Variants in SLIT3 observed in about 807,000 individuals in gnomAD.
SLIT3 encodes slit guidance ligand 3.
Under a neutral mutation model 184.0 loss-of-function variants are expected in SLIT3, and 68 were observed. The ratio of observed to expected loss-of-function variants is 0.37; its 90% CI spans 0.30 to 0.45. SLIT3 has a LOEUF of 0.45. Among genes scored for constraint, SLIT3 ranks in the 20% least tolerant of loss-of-function variants. The probability of loss-of-function intolerance (pLI) is 1.00; values close to 1 mark genes in which losing one functional copy is unlikely to be tolerated. For missense variants in SLIT3, 1,707 were observed against 2,026.0 expected, an observed-to-expected ratio of 0.84 and a Z score of 3.02; for synonymous variants, 831 against 828.6, an observed-to-expected ratio of 1.00 and a Z score of -0.05.
At chr5:168,669,014 T>C (rs1761147038) in intron 35 of SLIT3, among the ~76,000 whole-genome samples, 1 of 152,220 alleles carries the variant, frequency 6.6e-6, no homozygotes, top group African/African-American at 2.4e-5. Flanking sequence ...AAATGACAGT[T>C]TGGCCTTCAT....
chr5:168,792,987 T>C (rs1756433401), intron 10 of SLIT3, among the ~76,000 whole-genome samples: 1 of 152,256 alleles, frequency 6.6e-6, no homozygotes. Flanking sequence ...GTGTGAGGTA[T>C]ATATGAAACA....
chr5:168,711,107 A>C lies in SLIT3; in HGVS notation c.2556-49T>G. ...GGGCCCCCTGCCCAGCTTGGCCAGT[A>C]GCCTTCATATCCTTGGCTCTCTGGA... is the stretch of plus-strand genomic sequence containing the variant. On this transcript the variant is annotated intron_variant, in intron 24 of 35. Coordinates refer to ENST00000519560, the MANE Select transcript of SLIT3 (RefSeq NM_003062.4). The C allele has an allele frequency of 2.0e-6, 3 of 1,468,350 alleles. No homozygotes were observed. In the South Asian group the frequency reaches 4.2e-5, roughly 21 times the overall value. The allele number at this position is 1,468,350 out of a possible 1,614,324, so 91.0% of individuals were successfully genotyped here.
In SLIT3 at chr5:168,806,568, T is replaced by C. The variant is rs766780107; in HGVS notation, c.813A>G (p.Pro271=). 6 of 1,613,968 alleles carry C rather than the reference T, an allele frequency of 3.7e-6. No individual in the cohort carries two copies. The highest frequency in any genetic ancestry group is 5.1e-6 in the Non-Finnish European group (6 of 1,180,000). The change falls in exon 9 of 36, where the codon CCA becomes CCG. Residue 271 remains proline (P), a synonymous_variant. Coordinates refer to ENST00000519560, the MANE Select transcript of SLIT3 (RefSeq NM_003062.4). The part of the protein sequence containing the change: ...YVCPAPHSEP[P]SCNANSISCP... Reference sequence around the variant, plus strand: ...AGGAGATGGAGTTGGCATTGCAGGATGGGGGCTCCGAGTGGGGGGCTGTGG... The same window carrying C: ...AGGAGATGGAGTTGGCATTGCAGGACGGGGGCTCCGAGTGGGGGGCTGTGG...
chr5:168,680,134 C>G (rs1157593746), intron 32 of SLIT3, among the ~76,000 whole-genome samples: 4 of 152,264 alleles, frequency 2.6e-5, no homozygotes, highest in Admixed American at 6.5e-5. Flanking sequence ...GGGCTCCACC[C>G]TTTAGGCTAC....
At chr5:169,076,211 T>C (rs1230137285) in intron 4 of SLIT3, among the ~76,000 whole-genome samples, 2 of 152,194 alleles carry the variant, frequency 1.3e-5, no homozygotes, top group Non-Finnish European at 2.9e-5. Context: ...GCATTGACTT[T>C]TCCCCAGTAG....
intron 4 of SLIT3, among the ~76,000 whole-genome samples, chr5:169,117,180 A>G (rs1472919337): frequency 6.6e-6 from 1 of 152,158 alleles, no homozygotes. Flanking sequence ...GTGTGCCTGC[A>G]CTGTCCTAGG....
chr5:169,017,111 T>C (rs2113476393), intron 4 of SLIT3, among the ~76,000 whole-genome samples: 1 of 152,364 alleles, frequency 6.6e-6, no homozygotes, highest in Middle Eastern at 3.4e-3. Context: ...GTGTGACTTG[T>C]CCTGTAGTCC....
At chr5:169,021,802 G>T (rs1010374331) in intron 4 of SLIT3, among the ~76,000 whole-genome samples, 1 of 152,138 alleles carries the variant, frequency 6.6e-6, no homozygotes, top group East Asian at 1.9e-4. Context: ...TTAATTCTTC[G>T]TCTCTCAGTT....
chr5:168,892,806 G>C (rs1219560916), intron 4 of SLIT3, among the ~76,000 whole-genome samples: 1 of 152,184 alleles, frequency 6.6e-6, no homozygotes, highest in Non-Finnish European at 1.5e-5. Flanking sequence ...ATCATCTCCA[G>C]CAAATGGGAC....
intron 4 of SLIT3, among the ~76,000 whole-genome samples, chr5:169,178,448 G>A (rs955723494): frequency 1.3e-5 from 2 of 152,196 alleles, no homozygotes; most frequent in African/African-American, 4.8e-5. Context: ...CACACTGAAC[G>A]GTTGCTGTAG....
At chr5:168,759,857 G>A (rs944726457) in intron 16 of SLIT3, among the ~76,000 whole-genome samples, 2 of 152,186 alleles carry the variant, frequency 1.3e-5, no homozygotes, top group Non-Finnish European at 2.9e-5. Context: ...CCTGAACTCT[G>A]GGGCCAGGAG....
intron 4 of SLIT3, among the ~76,000 whole-genome samples, chr5:168,920,716 T>A (rs1289215787): frequency 6.6e-6 from 1 of 152,210 alleles, no homozygotes; most frequent in African/African-American, 2.4e-5. Context: ...CTCTTTTGAC[T>A]TTTAAGTTCT....
chr5:168,823,356 G>C, intron 6 of SLIT3, 25 bp from the exon 7 acceptor site: 1 of 1,579,600 alleles, frequency 6.3e-7, no homozygotes, highest in Non-Finnish European at 8.7e-7. Flanking sequence ...AAGGGAGATG[G>C]TCAGCCAGGC....
At chr5:169,180,939 G>C (rs1763132430) in intron 4 of SLIT3, among the ~76,000 whole-genome samples, 1 of 152,312 alleles carries the variant, frequency 6.6e-6, no homozygotes, top group East Asian at 1.9e-4. Flanking sequence ...GAAGGTCTCA[G>C]TTGGAAGCCT....
At chr5:169,242,911 G>A (rs970395494) in intron 3 of SLIT3, among the ~76,000 whole-genome samples, 11 of 151,792 alleles carry the variant, frequency 7.2e-5, no homozygotes, top group South Asian at 4.2e-4. Context: ...ATGTTTATGC[G>A]AGAGGCTACT....
At chr5:169,114,545 T>C (rs1760575503) in intron 4 of SLIT3, among the ~76,000 whole-genome samples, 1 of 152,224 alleles carries the variant, frequency 6.6e-6, no homozygotes, top group Non-Finnish European at 1.5e-5. Flanking sequence ...TCAAGATTGC[T>C]GCAGTGGGAG....
At chr5:168,793,684 T>A (rs2113598427) in intron 10 of SLIT3, among the ~76,000 whole-genome samples, 1 of 152,176 alleles carries the variant, frequency 6.6e-6, no homozygotes, top group South Asian at 2.1e-4. Flanking sequence ...TCACAAAAAA[T>A]TAGAGCAATA....
intron 5 of SLIT3, among the ~76,000 whole-genome samples, chr5:168,845,124 G>A (rs1046851540): frequency 2.6e-5 from 4 of 152,014 alleles, no homozygotes; most frequent in Non-Finnish European, 5.9e-5. Context: ...CTTCTGCTCT[G>A]ACACAGTGCT....
chr5:168,822,536 C>A (rs980783129), intron 7 of SLIT3, among the ~76,000 whole-genome samples: 3 of 152,102 alleles, frequency 2.0e-5, no homozygotes, highest in African/African-American at 7.2e-5. Context: ...CTGATAGAGT[C>A]CACTTACAGA....
Sources: gnomAD v4.1 joint callset for allele counts (sites outside exome capture counted in the v4.1 genomes callset) on GRCh38, gnomAD v4.1.1 for gene constraint, MANE v1.5 for transcripts, NCBI Gene and HGNC (gene_info 2026-07-23, HGNC 2026-07-21) for gene names.